WDR89: variants seen among roughly 807,000 people sequenced by gnomAD.
WDR89 encodes the protein WD repeat domain 89.
WDR89 carries 17 observed loss-of-function variants against 29.1 expected under a neutral mutation model. The observed-to-expected ratio is 0.58, with a 90% CI of 0.40 to 0.88. The LOEUF is 0.88. WDR89 is among the 40% of genes least tolerant of loss of function. The pLI, the probability that WDR89 is intolerant of heterozygous loss-of-function variation, is 0.00. For missense variants in WDR89, 396 were observed against 456.3 expected (o/e 0.87, Z 1.20); for synonymous variants, 138 against 157.8 (o/e 0.87, Z 0.94).
At chr14:63,637,578 G>C (rs1883818675) in intron 1 of WDR89, among the ~76,000 whole-genome samples, 1 of 152,096 alleles carries the variant, frequency 6.6e-6, no homozygotes, top group South Asian at 2.1e-4. Flanking sequence ...ATATATATGT[G>C]TGTGTATATA....
intron 2 of WDR89, among the ~76,000 whole-genome samples, chr14:63,619,575 G>A (rs1263762936): frequency 6.6e-6 from 1 of 151,870 alleles, no homozygotes; most frequent in East Asian, 1.9e-4. Context: ...AGGCTTAAAA[G>A]CAAACAAAAA....
intron 1 of WDR89, chr14:63,630,832 T>G (rs1408244920): frequency 1.3e-5 from 2 of 151,856 alleles, no homozygotes; most frequent in African/African-American, 4.8e-5. Flanking sequence ...CTTGCACTGT[T>G]GTCCAGGATG....
intron 2 of WDR89, among the ~76,000 whole-genome samples, chr14:63,606,733 AG>A (rs1320373563): frequency 6.6e-6 from 1 of 152,214 alleles, no homozygotes; most frequent in African/African-American, 2.4e-5. Flanking sequence ...ACCAAATGCT[AG>A]GCTATGTGCT....
At chr14:63,600,420 C>G (rs547950137) in intron 2 of WDR89, among the ~76,000 whole-genome samples, 2 of 151,990 alleles carry the variant, frequency 1.3e-5, no homozygotes, top group Non-Finnish European at 2.9e-5. Context: ...TGCTTGAGAC[C>G]AGAAGTTGAG....
intron 1 of WDR89, among the ~76,000 whole-genome samples, chr14:63,627,604 A>G (rs1373499329): frequency 6.6e-6 from 1 of 152,134 alleles, no homozygotes; most frequent in Non-Finnish European, 1.5e-5. Context: ...TCAACCATTT[A>G]TCTTTTTACT....
intron 2 of WDR89, among the ~76,000 whole-genome samples, chr14:63,612,374 A>T (rs2139517329): frequency 1.3e-5 from 2 of 149,122 alleles, no homozygotes; most frequent in South Asian, 4.3e-4. Context: ...CGCCCGGGCT[A>T]GAGTGTAGTG....
intron 2 of WDR89, among the ~76,000 whole-genome samples, chr14:63,620,678 A>T (rs1436813495): frequency 6.6e-6 from 1 of 152,104 alleles, no homozygotes; most frequent in Non-Finnish European, 1.5e-5. Flanking sequence ...TGAAGTCAGA[A>T]GTTTGAGACC....
chr14:63,601,635 G>A (rs1310676296), intron 2 of WDR89: 2 of 1,613,272 alleles, frequency 1.2e-6, no homozygotes, highest in Non-Finnish European at 1.7e-6. Context: ...AGTATTGCAA[G>A]CAACAGTAGT....
intron 1 of WDR89, among the ~76,000 whole-genome samples, chr14:63,637,036 A>G (rs1883776984): frequency 6.6e-6 from 1 of 152,098 alleles, no homozygotes; most frequent in Admixed American, 6.5e-5. Context: ...ACTAATATCC[A>G]GCATCTACAA....
chr14:63,605,195 C>CAT (rs1313583401), intron 2 of WDR89, among the ~76,000 whole-genome samples: 1 of 134,860 alleles, frequency 7.4e-6, no homozygotes, highest in Non-Finnish European at 1.5e-5. Context: ...CACACACACA[C>CAT]ATATATACAT....
At chr14:63,624,011 T>C (rs547280734) in intron 2 of WDR89, among the ~76,000 whole-genome samples, 4 of 152,206 alleles carry the variant, frequency 2.6e-5, no homozygotes, top group East Asian at 1.9e-4. Context: ...AAATGGATCA[T>C]AGACCTAAAT....
chr14:63,619,673 T>C (rs1484957971), intron 2 of WDR89, among the ~76,000 whole-genome samples: 1 of 151,998 alleles, frequency 6.6e-6, no homozygotes, highest in Non-Finnish European at 1.5e-5. Context: ...GAAACTATAG[T>C]ACAGCCAAAA....
intron 2 of WDR89, among the ~76,000 whole-genome samples, chr14:63,620,825 G>T (rs1882650491): frequency 6.6e-6 from 1 of 151,506 alleles, no homozygotes. Context: ...TTGAACCTGG[G>T]AGGTGGAGGT....
In WDR89 at chr14:63,626,550, G is replaced by A. The variant is rs187513439; in HGVS notation, c.-137-1517C>T. 2.1e-4 allele frequency among the ~76,000 whole-genome samples: 32 copies of A among 151,318 alleles called. No homozygotes were observed. In the East Asian group the frequency reaches 4.7e-3, roughly 22 times the overall value. On this transcript the variant is annotated intron_variant, in intron 1 of 2. Transcript: ENST00000620954. ...AAATGAGCTAGGTGTGGTGGTGCAC[G>A]CCTGTAATCCCAGCTGCTTAGGAGG...
intron 2 of WDR89, chr14:63,621,729 T>A (rs1882706175): frequency 6.6e-6 from 1 of 152,164 alleles, no homozygotes; most frequent in Non-Finnish European, 1.5e-5. Context: ...AAAAATGCCT[T>A]CTGAAAAAGA....
In WDR89 at chr14:63,597,841, T is replaced by G. The variant is rs1894864592; in HGVS notation, c.*938A>C. On this transcript the variant is annotated 3_prime_UTR_variant, in exon 3 of 3. Transcript: ENST00000620954. Reference sequence around the variant, plus strand: ...CCGCCCCTACCAGATCTGTTTTTGATGTTTAGCCTAGAAGTAGCAAGAAGG... The same window carrying G: ...CCGCCCCTACCAGATCTGTTTTTGAGGTTTAGCCTAGAAGTAGCAAGAAGG... 6.6e-6 allele frequency: 1 copy of G among 152,256 alleles called. No homozygotes were observed. The highest frequency in any genetic ancestry group is 1.5e-5 in the Non-Finnish European group (1 of 68,060). 9.4% of individuals were successfully genotyped at this position (152,256 alleles called of 1,614,324 possible).
At chr14:63,611,335 C>CAAAAAAAAAA (rs769975882) in intron 2 of WDR89, among the ~76,000 whole-genome samples, 1 of 22,920 alleles carries the variant, frequency 4.4e-5, no homozygotes, top group African/African-American at 1.2e-4. Context: ...GGCCCTGTCG[C>CAAAAAAAAAA]AAAAAAAAAA....
At position 63,600,051 on chromosome 14, in the gene WDR89, T is replaced by C. The variant is rs1024682282; in HGVS notation, c.-31-78A>G. ...ACATAAAAAAATTTAACTTGAAGTTTCTCTAAAATTGCAATTAAATCAAGA... is the reference window on the plus strand; with the variant it reads ...ACATAAAAAAATTTAACTTGAAGTTCCTCTAAAATTGCAATTAAATCAAGA... On this transcript the variant is annotated intron_variant, in intron 2 of 2. Transcript: ENST00000620954. 4.6e-6 allele frequency: 4 copies of C among 862,808 alleles called. No individual in the cohort carries two copies. In the African/African-American group the frequency reaches 5.3e-5, roughly 11 times the overall value. The allele number at this position is 862,808 out of a possible 1,614,324, so 53.4% of individuals were successfully genotyped here.
chr14:63,616,101 T>C (rs1185019598), intron 2 of WDR89, among the ~76,000 whole-genome samples: 1 of 151,952 alleles, frequency 6.6e-6, no homozygotes, highest in Non-Finnish European at 1.5e-5. Context: ...AATTTTTGTA[T>C]TTTAGAGCTA....
Sources: gnomAD v4.1 joint callset for allele counts (sites outside exome capture counted in the v4.1 genomes callset) on GRCh38, gnomAD v4.1.1 for gene constraint, MANE v1.5 for transcripts, NCBI Gene and HGNC (gene_info 2026-07-23, HGNC 2026-07-21) for gene names.